The following CDH13 variants were observed in gnomAD, a reference collection of about 807,000 sequenced individuals.
The protein encoded by CDH13 is cadherin 13.
CDH13 carries 24 observed loss-of-function variants against 63.8 expected under a neutral mutation model. That is an observed-to-expected ratio of 0.38 (90% CI 0.27 to 0.53). The LOEUF is 0.53. Ranked by LOEUF, CDH13 falls within the 20% of genes least tolerant of loss-of-function variation. The probability of loss-of-function intolerance (pLI) is 0.85; values close to 1 mark genes in which losing one functional copy is unlikely to be tolerated. For missense variants in CDH13, 1,049 were observed against 903.1 expected, an observed-to-expected ratio of 1.16 and a Z score of -2.07; for synonymous variants, 503 against 355.3, an observed-to-expected ratio of 1.42 and a Z score of -4.67.
chr16:83,787,954 A>G (rs1319395201), intron 13 of CDH13, among the ~76,000 whole-genome samples: 1 of 152,242 alleles, frequency 6.6e-6, no homozygotes, highest in Non-Finnish European at 1.5e-5. Flanking sequence ...GCAGAGATCC[A>G]GGAGCAACTG....
At chr16:82,694,363 T>A (rs1002657441) in intron 1 of CDH13, among the ~76,000 whole-genome samples, 3 of 152,232 alleles carry the variant, frequency 2.0e-5, no homozygotes, top group South Asian at 4.1e-4. Context: ...CATTTTTTTA[T>A]GGACTGCTCA....
chr16:83,696,285 G>A (rs912861226), intron 10 of CDH13, among the ~76,000 whole-genome samples: 1 of 152,154 alleles, frequency 6.6e-6, no homozygotes, highest in Non-Finnish European at 1.5e-5. Flanking sequence ...GAGTGTGCAG[G>A]TTCGTTAAAC....
intron 1 of CDH13, among the ~76,000 whole-genome samples, chr16:82,741,061 C>T (rs1191484037): frequency 1.3e-5 from 2 of 152,132 alleles, no homozygotes; most frequent in African/African-American, 4.8e-5. Context: ...TACTCTCTCA[C>T]TCTCACTCTC....
chr16:82,645,559 C>G (rs1348298901), intron 1 of CDH13, among the ~76,000 whole-genome samples: 5 of 152,022 alleles, frequency 3.3e-5, no homozygotes, highest in African/African-American at 9.7e-5. Flanking sequence ...CAGCACAGCT[C>G]CCACCACAAA....
intron 11 of CDH13, among the ~76,000 whole-genome samples, chr16:83,761,636 C>G (rs6563977): frequency 3.3e-5 from 5 of 152,104 alleles, no homozygotes; most frequent in African/African-American, 1.2e-4. Context: ...GAGACTGGCA[C>G]GAGAGTAGGT....
chr16:83,710,113 G>T (rs960234304), intron 10 of CDH13: 1 of 152,214 alleles, frequency 6.6e-6, no homozygotes, highest in Non-Finnish European at 1.5e-5. Flanking sequence ...CAGAGGCCCG[G>T]GTTGCTGGTA....
At chr16:83,129,759 C>T (rs1333918228) in intron 4 of CDH13, among the ~76,000 whole-genome samples, 2 of 152,260 alleles carry the variant, frequency 1.3e-5, no homozygotes, top group Non-Finnish European at 2.9e-5. Context: ...AAAAAGGATT[C>T]TGTACAGCAG....
Position 83,584,864 on chromosome 16 carries a change from C to T in CDH13, c.961-17590C>T, listed in dbSNP as rs376051041. Among the ~76,000 whole-genome samples the T allele has an allele frequency of 1.7e-3, 265 of 152,166 alleles. 2 individuals carry two copies. The highest frequency in any genetic ancestry group is 5.5e-3 in the African/African-American group (229 of 41,500). ...CTTACAATCACGGCAGAGGGCAAAG[C>T]GGGAGTGGGCACGTCACATGGCAAA... On this transcript the variant is annotated intron_variant, in intron 7 of 13. Coordinates refer to ENST00000567109, the MANE Select transcript of CDH13 (RefSeq NM_001257.5).
chr16:83,129,327 C>T (rs2035947236), intron 4 of CDH13, among the ~76,000 whole-genome samples: 1 of 152,184 alleles, frequency 6.6e-6, no homozygotes, highest in African/African-American at 2.4e-5. Context: ...GATTCTGCAG[C>T]TCTAAAAGTA....
intron 7 of CDH13, among the ~76,000 whole-genome samples, chr16:83,526,179 T>A (rs909698101): frequency 2.0e-5 from 3 of 152,166 alleles, no homozygotes; most frequent in Non-Finnish European, 4.4e-5. Flanking sequence ...GCTTCAAAGG[T>A]CAGCCAGTCA....
chr16:82,743,281 C>G (rs577724897), intron 1 of CDH13, among the ~76,000 whole-genome samples: 1 of 152,170 alleles, frequency 6.6e-6, no homozygotes, highest in African/African-American at 2.4e-5. Flanking sequence ...GGCTGGAGCG[C>G]GGTGGCACTC....
chr16:82,713,728 G>A (rs1040233337), intron 1 of CDH13, among the ~76,000 whole-genome samples: 2 of 149,854 alleles, frequency 1.3e-5, no homozygotes, highest in Admixed American at 1.3e-4. Context: ...GTGGCCTAGT[G>A]CATGTTTCAC....
At chr16:82,913,724 A>G (rs1331716706) in intron 2 of CDH13, among the ~76,000 whole-genome samples, 1 of 152,012 alleles carries the variant, frequency 6.6e-6, no homozygotes, top group African/African-American at 2.4e-5. Flanking sequence ...TGGGTACCCC[A>G]TGCGCAGATC....
chr16:83,084,902 GGTTGA>G (rs2033483412), intron 3 of CDH13, among the ~76,000 whole-genome samples: 1 of 152,088 alleles, frequency 6.6e-6, no homozygotes, highest in Non-Finnish European at 1.5e-5. Flanking sequence ...AAATAAAATA[GGTTGA>G]GTAAGTAGAG....
intron 4 of CDH13, among the ~76,000 whole-genome samples, chr16:83,127,367 G>C (rs1191985451): frequency 1.3e-5 from 2 of 152,192 alleles, no homozygotes; most frequent in Admixed American, 6.5e-5. Flanking sequence ...GTAGAGAGGA[G>C]TGGAAGCAAA....
At chr16:83,006,909 T>A (rs1597395280) in intron 2 of CDH13, among the ~76,000 whole-genome samples, 1 of 125,988 alleles carries the variant, frequency 7.9e-6, no homozygotes, top group Admixed American at 7.6e-5. Context: ...ATTTTTTTTG[T>A]TTGTTTGTTT....
At chr16:82,704,678 G>A (rs563434931) in intron 1 of CDH13, among the ~76,000 whole-genome samples, 1 of 152,308 alleles carries the variant, frequency 6.6e-6, no homozygotes, top group South Asian at 2.1e-4. Flanking sequence ...AGAGGAAGAA[G>A]CAGGGCTCAG....
At chr16:82,667,348 C>T (rs1435680165) in intron 1 of CDH13, among the ~76,000 whole-genome samples, 1 of 152,178 alleles carries the variant, frequency 6.6e-6, no homozygotes, top group Non-Finnish European at 1.5e-5. Flanking sequence ...GCGTACTGAG[C>T]TGGCCATCCC....
intron 2 of CDH13, among the ~76,000 whole-genome samples, chr16:82,863,865 A>T (rs1449493606): frequency 6.7e-6 from 1 of 149,558 alleles, no homozygotes; most frequent in Non-Finnish European, 1.5e-5. Flanking sequence ...AATTTTTTTA[A>T]ATCCTAGATT....
Sources: gnomAD v4.1 joint callset for allele counts (sites outside exome capture counted in the v4.1 genomes callset) on GRCh38, gnomAD v4.1.1 for gene constraint, MANE v1.5 for transcripts, NCBI Gene and HGNC (gene_info 2026-07-23, HGNC 2026-07-21) for gene names.